KPNA1: variants seen among roughly 807,000 people sequenced by gnomAD.
KPNA1 encodes the protein importin subunit alpha-5.
A neutral mutation model predicts 70.5 loss-of-function variants in KPNA1; 10 were observed. The observed-to-expected ratio is 0.14, with a 90% CI of 0.09 to 0.24. KPNA1 has a LOEUF of 0.24. Among genes scored for constraint, KPNA1 ranks in the 10% least tolerant of loss-of-function variants. The probability of loss-of-function intolerance (pLI) is 1.00; values close to 1 mark genes in which losing one functional copy is unlikely to be tolerated. For missense variants in KPNA1, 397 were observed against 637.9 expected (o/e 0.62, Z 4.07); for synonymous variants, 192 against 221.9 (o/e 0.87, Z 1.20).
intron 6 of KPNA1, among the ~76,000 whole-genome samples, chr3:122,453,269 A>C (rs1050222033): frequency 9.2e-5 from 14 of 152,184 alleles, no homozygotes; most frequent in African/African-American, 3.1e-4. Flanking sequence ...AAATTTCTAC[A>C]AGAAAAAACC....
chr3:122,432,154 A>T (rs1427406178), intron 12 of KPNA1, among the ~76,000 whole-genome samples: 1 of 152,230 alleles, frequency 6.6e-6, no homozygotes, highest in Non-Finnish European at 1.5e-5. Flanking sequence ...GAGACAATTA[A>T]TAACTATAAA....
intron 1 of KPNA1, among the ~76,000 whole-genome samples, chr3:122,505,102 G>A (rs946952161): frequency 1.3e-5 from 2 of 151,734 alleles, no homozygotes; most frequent in African/African-American, 4.8e-5. Context: ...TCAGGAGTTC[G>A]AGACCAGCCT....
intron 2 of KPNA1, among the ~76,000 whole-genome samples, chr3:122,496,063 G>A (rs1269887563): frequency 6.6e-6 from 1 of 152,076 alleles, no homozygotes; most frequent in Non-Finnish European, 1.5e-5. Flanking sequence ...CCAATTTTAA[G>A]TTTACAATGA....
intron 2 of KPNA1, among the ~76,000 whole-genome samples, chr3:122,477,241 G>A (rs980541639): frequency 2.0e-5 from 3 of 152,216 alleles, no homozygotes; most frequent in African/African-American, 7.2e-5. Context: ...GAAGTAGAGA[G>A]TATAATGGTT....
At chr3:122,442,200 A>C in intron 9 of KPNA1, 84 bp from the exon 10 acceptor site, 1 of 1,040,212 alleles carries the variant, frequency 9.6e-7, no homozygotes, top group Admixed American at 1.9e-5. Flanking sequence ...AAAAACAAAA[A>C]AATTGTGATA....
intron 2 of KPNA1, among the ~76,000 whole-genome samples, chr3:122,488,102 A>G (rs1368737817): frequency 6.6e-6 from 1 of 152,228 alleles, no homozygotes; most frequent in East Asian, 1.9e-4. Context: ...TCCAGCTAAT[A>G]AAAGCAGAAG....
intron 2 of KPNA1, among the ~76,000 whole-genome samples, chr3:122,493,889 T>G (rs1159247000): frequency 6.6e-6 from 1 of 152,174 alleles, no homozygotes; most frequent in Non-Finnish European, 1.5e-5. Flanking sequence ...CCAGCCTCAT[T>G]ATAGTTTTAA....
chr3:122,442,182 C>A, intron 9 of KPNA1, 66 bp from the exon 10 acceptor site: 1 of 1,338,342 alleles, frequency 7.5e-7, no homozygotes, highest in Non-Finnish European at 1.1e-6. Flanking sequence ...CTTCCAAGAC[C>A]AAAATTAAAA....
chr3:122,479,709 G>A (rs189039418), intron 2 of KPNA1, among the ~76,000 whole-genome samples: 93 of 152,182 alleles, frequency 6.1e-4, no homozygotes, highest in African/African-American at 2.0e-3. Flanking sequence ...GCAGTGAACC[G>A]AAATCATGCC....
At chr3:122,501,009 TTTC>T (rs912762652) in intron 1 of KPNA1, among the ~76,000 whole-genome samples, 1 of 147,250 alleles carries the variant, frequency 6.8e-6, no homozygotes, top group Non-Finnish European at 1.5e-5. Flanking sequence ...ATTTGAGATC[TTTC>T]TTCTTTTCTT....
chr3:122,447,835 C>T (rs1197993794), intron 9 of KPNA1, among the ~76,000 whole-genome samples: 2 of 152,024 alleles, frequency 1.3e-5, no homozygotes, highest in African/African-American at 2.4e-5. Flanking sequence ...TCTCAGGATA[C>T]AAAATCAATG....
chr3:122,485,382 G>C (rs569444353), intron 2 of KPNA1, among the ~76,000 whole-genome samples: 1 of 151,350 alleles, frequency 6.6e-6, no homozygotes, highest in Admixed American at 6.6e-5. Flanking sequence ...AACGGTAAGT[G>C]TTTCCAAGGA....
At chr3:122,501,214 A>C (rs1236196689) in intron 1 of KPNA1, among the ~76,000 whole-genome samples, 1 of 151,632 alleles carries the variant, frequency 6.6e-6, no homozygotes, top group Non-Finnish European at 1.5e-5. Flanking sequence ...TTTTTAGTAG[A>C]GTCGAGGTTT....
At chr3:122,452,611 G>A (rs572199109) in intron 6 of KPNA1, among the ~76,000 whole-genome samples, 64 of 53,652 alleles carry the variant, frequency 1.2e-3, no homozygotes, top group East Asian at 4.6e-3. Context: ...GGAAGGAAGG[G>A]AGGGAGGGAA....
intron 9 of KPNA1, among the ~76,000 whole-genome samples, 187 bp from the exon 10 acceptor site, chr3:122,442,303 C>T (rs2001843): frequency 1.8e-4 from 27 of 152,228 alleles, no homozygotes; most frequent in Admixed American, 1.8e-3. Flanking sequence ...CTGTCTTTCC[C>T]CTTATTTTAG....
At chr3:122,507,310 G>A (rs1272718577) in intron 1 of KPNA1, among the ~76,000 whole-genome samples, 5 of 151,836 alleles carry the variant, frequency 3.3e-5, no homozygotes, top group African/African-American at 4.8e-5. Flanking sequence ...GCGTGGTGGC[G>A]GGCGCTTGCA....
At chr3:122,509,262 G>T (rs575466130) in intron 1 of KPNA1, among the ~76,000 whole-genome samples, 4 of 146,690 alleles carry the variant, frequency 2.7e-5, no homozygotes, top group Middle Eastern at 3.6e-3. Context: ...AAAAAAAAAA[G>T]AAAGATAAAA....
intron 3 of KPNA1, among the ~76,000 whole-genome samples, chr3:122,466,513 CG>C (rs1560036977): frequency 6.6e-6 from 1 of 151,602 alleles, no homozygotes; most frequent in South Asian, 2.1e-4. Flanking sequence ...TTTAAAATTA[CG>C]TAATTACAAT....
chr3:122,510,572 T>C (rs1436772118), intron 1 of KPNA1, among the ~76,000 whole-genome samples: 3 of 152,234 alleles, frequency 2.0e-5, no homozygotes, highest in Non-Finnish European at 4.4e-5. Flanking sequence ...TAGACACACC[T>C]GTGATAACTA....
Sources: gnomAD v4.1 joint callset for allele counts (sites outside exome capture counted in the v4.1 genomes callset) on GRCh38, gnomAD v4.1.1 for gene constraint, MANE v1.5 for transcripts, NCBI Gene and HGNC (gene_info 2026-07-23, HGNC 2026-07-21) for gene names.